Variants in EXT2 observed in about 807,000 individuals in gnomAD.
The protein encoded by EXT2 is exostosin-2.
A neutral mutation model predicts 81.6 loss-of-function variants in EXT2; 53 were observed. That is an observed-to-expected ratio of 0.65 (90% CI 0.52 to 0.82). The LOEUF is 0.82. Ranked by LOEUF, EXT2 falls within the 40% of genes least tolerant of loss-of-function variation. EXT2 has a pLI of 0.00. For synonymous variants in EXT2, 320 were observed against 340.0 expected (o/e 0.94, Z 0.65); for missense variants, 774 against 910.2 (o/e 0.85, Z 1.93).
intron 10 of EXT2, among the ~76,000 whole-genome samples, chr11:44,219,941 C>T (rs1955764587): frequency 6.6e-6 from 1 of 152,214 alleles, no homozygotes; most frequent in Non-Finnish European, 1.5e-5. Context: ...CATTCCTTGA[C>T]CTCTTGTGTG....
intron 7 of EXT2, among the ~76,000 whole-genome samples, chr11:44,155,983 A>G (rs1274800987): frequency 1.3e-5 from 2 of 152,180 alleles, no homozygotes; most frequent in Non-Finnish European, 2.9e-5. Context: ...TTTATGTTTG[A>G]AGAACATTTT....
At chr11:44,118,297 A>G (rs892031944) in intron 4 of EXT2, among the ~76,000 whole-genome samples, 7 of 151,906 alleles carry the variant, frequency 4.6e-5, no homozygotes, top group African/African-American at 1.7e-4. Context: ...TTTTTTAACC[A>G]TGTTTTCTAT....
At chr11:44,108,295 C>A in intron 2 of EXT2, 47 bp downstream of exon 2, 1 of 1,585,458 alleles carries the variant, frequency 6.3e-7, no homozygotes, top group Non-Finnish European at 8.6e-7. Context: ...ACTTGAGTGG[C>A]CCTCAGGGAA....
At chr11:44,216,854 A>C (rs2135228838) in intron 10 of EXT2, among the ~76,000 whole-genome samples, 1 of 151,720 alleles carries the variant, frequency 6.6e-6, no homozygotes. Context: ...TATTAGCTTG[A>C]AAATTGATAG....
chr11:44,207,675 G>T (rs990817606), intron 10 of EXT2, among the ~76,000 whole-genome samples: 3 of 152,210 alleles, frequency 2.0e-5, no homozygotes, highest in Non-Finnish European at 2.9e-5. Context: ...GCTATAGCTG[G>T]CTCAGGGGAA....
intron 7 of EXT2, among the ~76,000 whole-genome samples, chr11:44,155,280 G>A (rs1954842340): frequency 6.6e-6 from 1 of 152,014 alleles, no homozygotes; most frequent in Admixed American, 6.6e-5. Flanking sequence ...TTTGTACATG[G>A]TGAGAGATAG....
At chr11:44,132,482 G>A (rs1954507330) in intron 7 of EXT2, among the ~76,000 whole-genome samples, 1 of 152,316 alleles carries the variant, frequency 6.6e-6, no homozygotes, top group South Asian at 2.1e-4. Flanking sequence ...CATGACCATG[G>A]TAAGTCCCCA....
chr11:44,195,459 G>T (rs113761537), intron 8 of EXT2, among the ~76,000 whole-genome samples: 9 of 152,122 alleles, frequency 5.9e-5, no homozygotes, highest in African/African-American at 1.9e-4. Flanking sequence ...AGAAAAGATG[G>T]CGTTTCCTAT....
chr11:44,106,246 G>T (rs1321818046), intron 1 of EXT2, among the ~76,000 whole-genome samples: 1 of 152,150 alleles, frequency 6.6e-6, no homozygotes, highest in East Asian at 1.9e-4. Context: ...AGAACTGTTG[G>T]TGTTCGTCTT....
chr11:44,205,391 C>T (rs778048638), intron 9 of EXT2, among the ~76,000 whole-genome samples: 68 of 152,264 alleles, frequency 4.5e-4, no homozygotes, highest in Admixed American at 2.2e-3. Flanking sequence ...AGATATTTTT[C>T]GATTATGTGC....
At chr11:44,234,409 C>G (rs941317797) in intron 12 of EXT2, among the ~76,000 whole-genome samples, 166 bp downstream of exon 12, 1 of 152,176 alleles carries the variant, frequency 6.6e-6, no homozygotes, top group Non-Finnish European at 1.5e-5. Flanking sequence ...GAAATTGAAG[C>G]TAGGCTTTGA....
intron 7 of EXT2, among the ~76,000 whole-genome samples, chr11:44,137,963 T>G (rs1233856662): frequency 1.3e-5 from 2 of 152,190 alleles, no homozygotes; most frequent in Admixed American, 1.3e-4. Context: ...CCAGGAGTGC[T>G]GTGTACTCAG....
intron 7 of EXT2, among the ~76,000 whole-genome samples, chr11:44,143,706 T>A (rs144679381): frequency 1.3e-3 from 204 of 152,188 alleles, no homozygotes; most frequent in African/African-American, 4.7e-3. Context: ...GTGCCTCTGG[T>A]CAGGTGCAGC....
In EXT2 at chr11:44,095,788, C is replaced by G. The variant is rs557739127; in HGVS notation, c.-95C>G. 4.4e-5 allele frequency: 7 copies of G among 159,524 alleles called. No individual in the cohort carries two copies. Among genetic ancestry groups the G allele is most frequent in the African/African-American group, 1.7e-4 (7 of 41,544 alleles). The allele number at this position is 159,524 out of a possible 1,614,324, so 9.9% of individuals were successfully genotyped here. A position where few individuals can be genotyped will look rare whatever the true frequency, so the allele number is the denominator to read the frequency against. ...ACCGATCCGACCTGGGCGGAGGTGG[C>G]CCGCGCCCCGCGGCATGAGCCGGTG... On this transcript the variant is annotated 5_prime_UTR_variant, in exon 1 of 14. Transcript: ENST00000533608.
intron 10 of EXT2, among the ~76,000 whole-genome samples, chr11:44,216,465 C>T (rs1004501677): frequency 6.6e-6 from 1 of 152,072 alleles, no homozygotes; most frequent in African/African-American, 2.4e-5. Context: ...TAGCCAACAG[C>T]ATGTTGAAAT....
At chr11:44,096,425 G>A in intron 1 of EXT2, 2 of 1,217,442 alleles carry the variant, frequency 1.6e-6, no homozygotes, top group South Asian at 2.8e-5. Context: ...GGGCGTGTTA[G>A]GCCGGGGACT....
intron 8 of EXT2, chr11:44,172,058 G>C (rs1955083009): frequency 2.4e-6 from 1 of 421,134 alleles, no homozygotes; most frequent in East Asian, 5.1e-5. Context: ...GTAATGCTTA[G>C]AGCTTTTGAA....
chr11:44,140,544 T>C (rs1954631911), intron 7 of EXT2, among the ~76,000 whole-genome samples: 1 of 152,142 alleles, frequency 6.6e-6, no homozygotes, highest in Non-Finnish European at 1.5e-5. Flanking sequence ...GAAAAACCAT[T>C]ACCTGGATCA....
chr11:44,187,445 A>G, intron 8 of EXT2, among the ~76,000 whole-genome samples: 1 of 151,354 alleles, frequency 6.6e-6, no homozygotes, highest in African/African-American at 2.4e-5. Context: ...CAATCCTCCC[A>G]CCCTGGCAAG....
Sources: gnomAD v4.1 joint callset for allele counts (sites outside exome capture counted in the v4.1 genomes callset) on GRCh38, gnomAD v4.1.1 for gene constraint, MANE v1.5 for transcripts, NCBI Gene and HGNC (gene_info 2026-07-23, HGNC 2026-07-21) for gene names.